The following DENND1A variants were observed in gnomAD, a reference collection of about 807,000 sequenced individuals.
The protein encoded by DENND1A is DENN domain-containing protein 1A.
DENND1A carries 51 observed loss-of-function variants against 113.7 expected under a neutral mutation model. That is an observed-to-expected ratio of 0.45 (90% CI 0.36 to 0.57). DENND1A has a LOEUF of 0.57. Ranked by LOEUF, DENND1A falls within the 20% of genes least tolerant of loss-of-function variation. The pLI is 0.00. For synonymous variants in DENND1A, 565 were observed against 570.8 expected, an observed-to-expected ratio of 0.99 and a Z score of 0.14; for missense variants, 1,258 against 1,395.9, an observed-to-expected ratio of 0.90 and a Z score of 1.57.
chr9:123,686,907 T>C (rs1340830773), intron 5 of DENND1A, among the ~76,000 whole-genome samples: 2 of 152,212 alleles, frequency 1.3e-5, no homozygotes, highest in African/African-American at 4.8e-5. Flanking sequence ...TTTAAGTTCA[T>C]TTCCACCCCA....
At chr9:123,853,947 T>C (rs1843761636) in intron 2 of DENND1A, among the ~76,000 whole-genome samples, 1 of 152,142 alleles carries the variant, frequency 6.6e-6, no homozygotes, top group Non-Finnish European at 1.5e-5. Flanking sequence ...TTCTAAGATA[T>C]TTTCATGGGA....
intron 2 of DENND1A, among the ~76,000 whole-genome samples, chr9:123,840,495 G>A (rs1166654836): frequency 6.6e-6 from 1 of 152,026 alleles, no homozygotes; most frequent in African/African-American, 2.4e-5. Flanking sequence ...TATACATGGA[G>A]ATAACACCAC....
intron 2 of DENND1A, among the ~76,000 whole-genome samples, chr9:123,861,258 GC>G (rs2133288651): frequency 6.6e-6 from 1 of 152,214 alleles, no homozygotes; most frequent in South Asian, 2.1e-4. Context: ...TTTCAATTTG[GC>G]AGTTAATTTC....
chr9:123,550,754 T>C (rs1376717757), intron 13 of DENND1A, among the ~76,000 whole-genome samples: 1 of 152,212 alleles, frequency 6.6e-6, no homozygotes, highest in Non-Finnish European at 1.5e-5. Context: ...GTTTAAAAAA[T>C]TCTTTCGTTC....
At chr9:123,519,892 G>A (rs1022409336) in intron 13 of DENND1A, among the ~76,000 whole-genome samples, 10 of 152,018 alleles carry the variant, frequency 6.6e-5, no homozygotes, top group African/African-American at 2.2e-4. Flanking sequence ...GGGCGCGGTG[G>A]CTCACACCTG....
rs375684700 is a variant in DENND1A, at chr9:123,382,422, G to C, written c.2223C>G (p.Ile741Met). 5.4e-5 allele frequency: 86 copies of C among 1,606,626 alleles called. No homozygotes were observed. Among genetic ancestry groups the C allele is most frequent in the Admixed American group, 1.3e-4 (8 of 59,602 alleles). ...CCTCCTCCTTGTCACTGGGGTTCAGGATGCTGTCCCGGTTCTGGGGCCTTC... is the reference window on the plus strand; with the variant it reads ...CCTCCTCCTTGTCACTGGGGTTCAGCATGCTGTCCCGGTTCTGGGGCCTTC... ...LPRRPQNRDS[I>M]LNPSDKEEVP... Residue 741 changes from isoleucine (I) to methionine (M), a missense_variant, in exon 24 of 24, where the codon ATC becomes ATG. Coordinates refer to ENST00000394215, the MANE Select transcript of DENND1A (RefSeq NM_001352964.2).
intron 8 of DENND1A, among the ~76,000 whole-genome samples, chr9:123,654,509 A>G (rs1319852567): frequency 6.6e-6 from 1 of 152,174 alleles, no homozygotes; most frequent in Admixed American, 6.5e-5. Context: ...AGAAAAAAAA[A>G]TCACAAGGAT....
At chr9:123,655,499 A>G (rs773193599) in intron 8 of DENND1A, among the ~76,000 whole-genome samples, 1 of 152,220 alleles carries the variant, frequency 6.6e-6, no homozygotes, top group Non-Finnish European at 1.5e-5. Flanking sequence ...ACCCGCAGAA[A>G]AAGAACTGCC....
At chr9:123,750,880 G>A (rs2069960962) in intron 5 of DENND1A, among the ~76,000 whole-genome samples, 2 of 152,134 alleles carry the variant, frequency 1.3e-5, no homozygotes, top group African/African-American at 4.8e-5. Context: ...ACCATAAACA[G>A]CTTAAAACAA....
intron 1 of DENND1A, among the ~76,000 whole-genome samples, chr9:123,910,766 C>T (rs1368341516): frequency 6.6e-6 from 1 of 152,092 alleles, no homozygotes; most frequent in Non-Finnish European, 1.5e-5. Flanking sequence ...ATGGTGAAAC[C>T]CTGTCTCTAT....
chr9:123,454,621 G>C (rs1211747282), intron 16 of DENND1A, 118 bp downstream of exon 16: 1 of 1,013,384 alleles, frequency 9.9e-7, no homozygotes, highest in East Asian at 2.6e-5. Flanking sequence ...ACAAACAAAG[G>C]CATCTCCAGC....
chr9:123,555,221 A>G (rs1296332817), intron 13 of DENND1A, among the ~76,000 whole-genome samples: 1 of 152,116 alleles, frequency 6.6e-6, no homozygotes, highest in Non-Finnish European at 1.5e-5. Flanking sequence ...AGTTCCCATA[A>G]CACTCCTCTA....
At chr9:123,857,269 C>T (rs1320764830) in intron 2 of DENND1A, among the ~76,000 whole-genome samples, 1 of 152,202 alleles carries the variant, frequency 6.6e-6, no homozygotes, top group Non-Finnish European at 1.5e-5. Flanking sequence ...CAAAAGAACA[C>T]AAGAGCCCTT....
At chr9:123,703,965 A>G (rs2066029512) in intron 5 of DENND1A, among the ~76,000 whole-genome samples, 1 of 151,910 alleles carries the variant, frequency 6.6e-6, no homozygotes, top group South Asian at 2.1e-4. Flanking sequence ...ATGTAAATAT[A>G]TATTTTATAT....
At chr9:123,619,212 G>A (rs1034041041) in intron 10 of DENND1A, among the ~76,000 whole-genome samples, 11 of 152,182 alleles carry the variant, frequency 7.2e-5, no homozygotes, top group African/African-American at 1.2e-4. Context: ...CTCCCAAAGC[G>A]CTGGGATTAC....
chr9:123,431,023 A>C (rs2046097382), intron 19 of DENND1A, among the ~76,000 whole-genome samples: 1 of 152,156 alleles, frequency 6.6e-6, no homozygotes, highest in Non-Finnish European at 1.5e-5. Flanking sequence ...AAAGCAAAAA[A>C]CAAAAACCAA....
chr9:123,658,903 G>A (rs888439266), intron 8 of DENND1A, among the ~76,000 whole-genome samples: 8 of 152,108 alleles, frequency 5.3e-5, no homozygotes, highest in Admixed American at 3.3e-4. Flanking sequence ...AGAGAGCCAC[G>A]GAGCCAGGGC....
chr9:123,647,375 G>A (rs1016799051), intron 9 of DENND1A, among the ~76,000 whole-genome samples: 1 of 152,168 alleles, frequency 6.6e-6, no homozygotes, highest in African/African-American at 2.4e-5. Context: ...TTACAAGGTT[G>A]GAGCCCAGCA....
chr9:123,705,333 T>C (rs560446638), intron 5 of DENND1A, among the ~76,000 whole-genome samples: 185 of 152,100 alleles, frequency 1.2e-3, no homozygotes, highest in Non-Finnish European at 1.4e-3. Flanking sequence ...ACTGAAGATA[T>C]TAAGCAGCAC....
Sources: allele counts gnomAD v4.1 joint callset (sites outside exome capture counted in the v4.1 genomes callset), GRCh38; gene constraint gnomAD v4.1.1; transcripts MANE v1.5; gene names NCBI Gene and HGNC (gene_info 2026-07-23, HGNC 2026-07-21).